The following FBXW9 variants were observed in gnomAD, a reference collection of about 807,000 sequenced individuals.
The protein encoded by FBXW9 is F-box and WD repeat domain containing 9, also known as F-box/WD repeat-containing protein 9.
In FBXW9, 38 loss-of-function variants were observed where a neutral mutation model predicts 55.8. The ratio of observed to expected loss-of-function variants is 0.68; its 90% CI spans 0.53 to 0.89. The LOEUF (loss-of-function observed/expected upper bound fraction) is 0.89, where lower values mean the gene tolerates loss of function less well. Among genes scored for constraint, FBXW9 ranks in the 40% least tolerant of loss-of-function variants. The probability of loss-of-function intolerance (pLI) is 0.00; values close to 1 mark genes in which losing one functional copy is unlikely to be tolerated. For missense variants in FBXW9, 590 were observed against 619.4 expected, an observed-to-expected ratio of 0.95 and a Z score of 0.50; for synonymous variants, 289 against 278.2, an observed-to-expected ratio of 1.04 and a Z score of -0.38.
intron 3 of FBXW9, among the ~76,000 whole-genome samples, chr19:12,693,609 A>ACACACAC (rs2025041156): frequency 8.5e-6 from 1 of 117,552 alleles, no homozygotes; most frequent in Non-Finnish European, 1.7e-5. Flanking sequence ...CACACACACA[A>ACACACAC]AAGAAATTAG....
intron 3 of FBXW9, among the ~76,000 whole-genome samples, chr19:12,693,990 C>G (rs576316858): frequency 6.6e-6 from 1 of 151,180 alleles, no homozygotes; most frequent in South Asian, 2.1e-4. Context: ...GAGATCGAGA[C>G]CATCCTGACC....
Position 12,689,117 on chromosome 19 carries a change from C to T in FBXW9, c.*99G>A. ...GCTGGGACTCCTTGTGCCCTAGGCC[C>T]ACGGGGCGGAGGCAGCACCAACATT... On this transcript the variant is annotated 3_prime_UTR_variant, in exon 10 of 10. Coordinates refer to ENST00000393261, the MANE Select transcript of FBXW9 (RefSeq NM_032301.3). This position sits in a 1 kb window ranked among gnomAD's most constrained non-coding sequence, Gnocchi z 5.9. The T allele has an allele frequency of 1.0e-6, 1 of 990,896 alleles. No homozygotes were observed. Among genetic ancestry groups the T allele is most frequent in the Non-Finnish European group, 1.6e-6 (1 of 621,736 alleles). 61.4% of individuals were successfully genotyped at this position (990,896 alleles called of 1,614,324 possible). A position where few individuals can be genotyped will look rare whatever the true frequency, so the allele number is the denominator to read the frequency against.
chr19:12,693,601 CACACACAA>C lies in FBXW9; in HGVS notation c.678+985_678+992del, dbSNP rs1185796772. ...ACACACACACACACACACACACACA[CACACACAA>C]AAGAAATTAGCTGGGCATGGTGGCA... On this transcript the variant is annotated intron_variant, in intron 3 of 9. Coordinates refer to ENST00000393261, the MANE Select transcript of FBXW9 (RefSeq NM_032301.3). 2.7e-4 allele frequency among the ~76,000 whole-genome samples: 21 copies of C among 78,462 alleles called. 1 individual carries two copies. The highest frequency in any genetic ancestry group is 4.6e-4 in the Non-Finnish European group (19 of 40,910). 51.5% of individuals were successfully genotyped at this position (78,462 alleles called of 152,430 possible).
In FBXW9 at chr19:12,689,848, G is replaced by A. The variant is rs771776142; in HGVS notation, c.1059C>T (p.Ser353=). Reference sequence around the variant, plus strand: ...CAGCCCAGAGCTGGGGTTCCTGGTAGGACATGCAGAGCAGGTAGGAGTCCA... The same window carrying A: ...CAGCCCAGAGCTGGGGTTCCTGGTAAGACATGCAGAGCAGGTAGGAGTCCA... ...LQLDSYLLCM[S]YQEPQLWAGD... The change falls in exon 7 of 10, where the codon TCC becomes TCT. Residue 353 remains serine, a synonymous_variant. Transcript: ENST00000393261. This position sits in a 1 kb window ranked among gnomAD's most constrained non-coding sequence, Gnocchi z 5.9. 1 of 1,614,122 alleles carries A rather than the reference G, an allele frequency of 6.2e-7. No homozygotes were observed. The highest frequency in any genetic ancestry group is 8.5e-7 in the Non-Finnish European group (1 of 1,180,012).
rs1389657903 is a variant in FBXW9, at chr19:12,693,525, A to T, written c.678+1069T>A. Reference sequence around the variant, plus strand: ...GGAAAAAAAAAAAAAAAAAAAAAAAAAAAAATATATATATATATATATATA... The same window carrying T: ...GGAAAAAAAAAAAAAAAAAAAAAAATAAAAATATATATATATATATATATA... On this transcript the variant is annotated intron_variant, in intron 3 of 9. Coordinates refer to ENST00000393261, the MANE Select transcript of FBXW9 (RefSeq NM_032301.3). 9.0e-3 allele frequency among the ~76,000 whole-genome samples: 234 copies of T among 25,970 alleles called. 21 individuals carry two copies. The highest frequency in any genetic ancestry group is 0.032 in the African/African-American group (224 of 6,922). The allele number at this position is 25,970 out of a possible 152,430, so 17.0% of individuals were successfully genotyped here.
At chr19:12,693,617 T>C (rs2025041319) in intron 3 of FBXW9, among the ~76,000 whole-genome samples, 1 of 106,368 alleles carries the variant, frequency 9.4e-6, no homozygotes, top group Non-Finnish European at 1.8e-5. Context: ...CAAAAGAAAT[T>C]AGCTGGGCAT....
intron 3 of FBXW9, among the ~76,000 whole-genome samples, chr19:12,693,550 A>G (rs2025034977): frequency 2.8e-5 from 1 of 36,072 alleles, no homozygotes; most frequent in African/African-American, 1.2e-4. Context: ...ATATATATAT[A>G]TATATATATA....
In FBXW9 at chr19:12,690,232, A is replaced by G. The variant is rs530782589; in HGVS notation, c.884-122T>C. Reference sequence around the variant, plus strand: ...AAACCCTCGATCTGCTCATTCCCCCACCCCACAGAGTGACCCATCTCTCCT... The same window carrying G: ...AAACCCTCGATCTGCTCATTCCCCCGCCCCACAGAGTGACCCATCTCTCCT... On this transcript the variant is annotated intron_variant, in intron 5 of 9. Coordinates refer to ENST00000393261, the MANE Select transcript of FBXW9 (RefSeq NM_032301.3). 1.6e-5 allele frequency: 24 copies of G among 1,483,718 alleles called. 1 individual carries two copies. Among genetic ancestry groups the G allele is most frequent in the Non-Finnish European group, 2.0e-5 (22 of 1,105,122 alleles). The allele number at this position is 1,483,718 out of a possible 1,614,324, so 91.9% of individuals were successfully genotyped here.
chr19:12,689,208 C>T lies in FBXW9; in HGVS notation c.*8G>A. 6.3e-7 allele frequency: 1 copy of T among 1,593,112 alleles called. No homozygotes were observed. On this transcript the variant is annotated 3_prime_UTR_variant, in exon 10 of 10. Coordinates refer to ENST00000393261, the MANE Select transcript of FBXW9 (RefSeq NM_032301.3). This position sits in a 1 kb window ranked among gnomAD's most constrained non-coding sequence, Gnocchi z 5.9. Reference sequence around the variant, plus strand: ...CGGCAGGCAGTATCCACATCCACGCCCACCTGCTCAGGCCTGCAGCCTCCA... The same window carrying T: ...CGGCAGGCAGTATCCACATCCACGCTCACCTGCTCAGGCCTGCAGCCTCCA...
In FBXW9 at chr19:12,696,506, G is replaced by T. The variant is rs1244111946; in HGVS notation, c.76C>A (p.Pro26Thr). Residue 26 changes from proline to threonine, a missense_variant, in exon 1 of 10, where the codon CCA (proline) becomes ACA (threonine). Transcript: ENST00000393261. Reference protein sequence around the residue: ...DDSDPESETDPDAQAKAYVAR... With the variant: ...DDSDPESETDTDAQAKAYVAR... The stretch of plus-strand genomic sequence containing the variant: ...ACGTAGGCCTTGGCCTGCGCGTCTG[G>T]GTCTGTCTCTGACTCTGGGTCCGAG... The T allele has an allele frequency of 6.2e-7, 1 of 1,612,830 alleles. No individual in the cohort carries two copies.
At chr19:12,691,119 C>T in intron 5 of FBXW9, 47 bp downstream of exon 5, 2 of 1,513,376 alleles carry the variant, frequency 1.3e-6, no homozygotes, top group Non-Finnish European at 1.8e-6. Flanking sequence ...GTGTCTCCTT[C>T]CCTAACATGA....
At position 12,696,521 on chromosome 19, in the gene FBXW9, C is replaced by G; in HGVS notation, c.61G>C (p.Glu21Gln). 6.2e-7 allele frequency: 1 copy of G among 1,612,786 alleles called. No individual in the cohort carries two copies. The highest frequency in any genetic ancestry group is 1.6e-4 in the Middle Eastern group (1 of 6,062). The change falls in exon 1 of 10, where the codon GAG becomes CAG. Residue 21 changes from glutamate (E) to glutamine (Q), a missense_variant. Physicochemically the swap from Glu to Gln is conservative, Grantham distance 29. Coordinates refer to ENST00000393261, the MANE Select transcript of FBXW9 (RefSeq NM_032301.3). ...TGCGCGTCTGGGTCTGTCTCTGACT[C>G]TGGGTCCGAGTCATCGTCCCAGGTG... The part of the protein sequence containing the change: ...SRTWDDDSDP[E>Q]SETDPDAQAK...
In FBXW9 at chr19:12,696,400, C is replaced by T. The variant is rs1407202931; in HGVS notation, c.182G>A (p.Ser61Asn). 1.2e-6 allele frequency: 2 copies of T among 1,611,980 alleles called. No individual in the cohort carries two copies. The highest frequency in any genetic ancestry group is 1.3e-5 in the African/African-American group (1 of 75,054). ...GGACGCGGCCCGAGGCTCCGAAGCG[C>T]TCGGGGACGCGGCGGGTGTGGATAG... ...SQLSTPAASP[S>N]ASEPRAASRV... The change falls in exon 1 of 10, where the codon AGC becomes AAC. Residue 61 changes from serine (S) to asparagine (N), a missense_variant. By Grantham distance (46) the Ser-to-Asn change is conservative. Transcript: ENST00000393261.
rs2025051332 is a variant in FBXW9 at position 12,694,612 on chromosome 19, C to G, written c.660G>C (p.Lys220Asn). The change falls in exon 3 of 10, where the codon AAG becomes AAC. Residue 220 changes from lysine (K) to asparagine (N), a missense_variant. By Grantham distance (94) the Lys-to-Asn change is moderately conservative (BLOSUM62 0). Coordinates refer to ENST00000393261, the MANE Select transcript of FBXW9 (RefSeq NM_032301.3). ...TCCTCACCTCATGGGTACTATTTCG[C>G]TTAGTGCCTAAGGTCTTGATCAGAA... ...NQVLIKTLGTKRNSTHEGWVW... is the reference protein window; with the variant it reads ...NQVLIKTLGTNRNSTHEGWVW... The G allele has an allele frequency of 6.2e-7, 1 of 1,614,236 alleles. No individual in the cohort carries two copies. The highest frequency in any genetic ancestry group is 1.3e-5 in the African/African-American group (1 of 75,078).
chr19:12,696,606 C>G lies in FBXW9; in HGVS notation c.-25G>C. ...TTGCGACCGGGTGGGCGCTGCCGGCCTCGCGTCTTGTCTCCTAGGCAGCAC... is the reference window on the plus strand; with the variant it reads ...TTGCGACCGGGTGGGCGCTGCCGGCGTCGCGTCTTGTCTCCTAGGCAGCAC... On this transcript the variant is annotated 5_prime_UTR_variant, in exon 1 of 10. Transcript: ENST00000393261. 1 of 1,600,716 alleles carries G rather than the reference C, an allele frequency of 6.2e-7. No individual in the cohort carries two copies. Among genetic ancestry groups the G allele is most frequent in the Non-Finnish European group, 8.5e-7 (1 of 1,178,860 alleles).
chr19:12,690,049 CGCCAGCAGG>C lies in FBXW9; in HGVS notation c.936_944del (p.Leu313_Ala315del). The C allele has an allele frequency of 6.2e-7, 1 of 1,614,078 alleles. No individual in the cohort carries two copies. The highest frequency in any genetic ancestry group is 8.5e-7 in the Non-Finnish European group (1 of 1,180,034). On this transcript the variant is annotated inframe_deletion, in exon 6 of 10. Transcript: ENST00000393261. The stretch of plus-strand genomic sequence containing the variant: ...TGCCTGAGATGATGTGCCGGTCATC[CGCCAGCAGG>C]GTCAGCACGGGTCTGGAGTGTAGTT...
chr19:12,694,953 G>A lies in FBXW9; in HGVS notation c.410-15C>T, dbSNP rs527320879. On this transcript the variant is annotated splice_polypyrimidine_tract_variant and intron_variant, in intron 1 of 9. Transcript: ENST00000393261. ...AAAGTTCTTCTCTGTGGGTTACCAC[G>A]AGTAGGGTGCCCAGTGGGCAGGGAC... 8.1e-6 allele frequency: 13 copies of A among 1,609,276 alleles called. No homozygotes were observed. The highest frequency in any genetic ancestry group is 4.5e-5 in the East Asian group (2 of 44,850).
At chr19:12,693,059 A>C (rs10405216) in intron 3 of FBXW9, among the ~76,000 whole-genome samples, 24,283 of 152,026 alleles carry the variant, frequency 0.16, 5,908 homozygotes, top group African/African-American at 0.53. Context: ...GAGGAGGGCA[A>C]TATTGTGTAT....
rs750019501 is a variant in FBXW9 at position 12,689,362 on chromosome 19, A to G, written c.1302+10T>C. The G allele has an allele frequency of 1.2e-6, 2 of 1,614,192 alleles. No homozygotes were observed. Among genetic ancestry groups the G allele is most frequent in the South Asian group, 1.1e-5 (1 of 91,078 alleles). On this transcript the variant is annotated intron_variant, in intron 9 of 9. Coordinates refer to ENST00000393261, the MANE Select transcript of FBXW9 (RefSeq NM_032301.3). This position sits in a 1 kb window ranked among gnomAD's most constrained non-coding sequence, Gnocchi z 5.9. ...GCCAGCTGGGCAGGGCACATGGGGC[A>G]GGACCTTACCCTATTGAGCCCATTG...
Sources: gnomAD v4.1 joint callset for allele counts (sites outside exome capture counted in the v4.1 genomes callset) on GRCh38, gnomAD v4.1.1 for gene constraint, Gnocchi (gnomAD v3.1) non-coding constraint, MANE v1.5 for transcripts, NCBI Gene and HGNC (gene_info 2026-07-23, HGNC 2026-07-21) for gene names.